The following TTN variants were observed in gnomAD, a reference collection of about 807,000 sequenced individuals.
TTN encodes connectin.
Under a neutral mutation model 3,223.0 loss-of-function variants are expected in TTN, and 1,525 were observed. The observed-to-expected ratio is 0.47, with a 90% confidence interval of 0.45 to 0.49. The LOEUF is 0.49. Among genes scored for constraint, TTN ranks in the 20% least tolerant of loss-of-function variants. TTN has a pLI of 0.00. For missense variants in TTN, 40,786 were observed against 43,424.0 expected (o/e 0.94, Z 5.40); for synonymous variants, 14,094 against 15,161.0 (o/e 0.93, Z 5.17).
intron 125 of TTN, 39 bp from the exon 126 acceptor site, chr2:178,688,817 A>T: frequency 6.7e-7 from 1 of 1,492,190 alleles, no homozygotes; most frequent in Non-Finnish European, 9.3e-7. Flanking sequence ...AAAATCAAGA[A>T]TTTTAACAAT....
intron 275 of TTN, 44 bp from the exon 276 acceptor site, chr2:178,608,125 T>C (rs746047441): frequency 4.4e-6 from 7 of 1,605,226 alleles, no homozygotes; most frequent in Middle Eastern, 1.7e-4. Context: ...CTGATGGTTT[T>C]AAAATGTACA....
In TTN at chr2:178,635,550, C is replaced by G; in HGVS notation, c.41774G>C (p.Arg13925Thr). 1 of 1,595,224 alleles carries G rather than the reference C, an allele frequency of 6.3e-7. No homozygotes were observed. ...TTTGAGGTACAGATGATTTCCATCT[C>G]TCAGTATTTCAGTCTTATCATTTGG... ...AEPNDKTEIL[R>T]DGNHLYLKIK... The change falls in exon 227 of 363, where the codon AGA (arginine) becomes ACA (threonine). Residue 13925 changes from arginine (R) to threonine (T), a missense_variant. By Grantham distance (71) the Arg-to-Thr change is moderately conservative (BLOSUM62 -1). Transcript: ENST00000589042.
In TTN at chr2:178,663,620, C is replaced by G. The variant is rs776475838; in HGVS notation, c.36532+7G>C. 6 of 1,613,590 alleles carry G rather than the reference C, an allele frequency of 3.7e-6. No homozygotes were observed. The East Asian group carries it at 8.9e-5, about 24-fold the overall frequency. ...ATCATCTGAAGCCTAAAATCAGTGA[C>G]AAATACCTTTAACAGGTGGGACTTC... On this transcript the variant is annotated splice_region_variant and intron_variant, in intron 171 of 362. Transcript: ENST00000589042.
In TTN at chr2:178,635,174, C is replaced by A; in HGVS notation, c.42015G>T (p.Arg14005Ser). The A allele has an allele frequency of 6.2e-7, 1 of 1,612,866 alleles. No individual in the cohort carries two copies. Among genetic ancestry groups the A allele is most frequent in the South Asian group, 1.1e-5 (1 of 90,930 alleles). Residue 14005 changes from arginine to serine, a missense_variant, in exon 228 of 363, where the codon AGG becomes AGT. By Grantham distance (110) the Arg-to-Ser change is moderately radical. Transcript: ENST00000589042. ...ATGTGAAATTACTCACAGGTGAGGGCCTTAGAAGTTCTCCTTTCAGTTTCC... is the reference window on the plus strand; with the variant it reads ...ATGTGAAATTACTCACAGGTGAGGGACTTAGAAGTTCTCCTTTCAGTTTCC... ...GQWKLKGELL[R>S]PSPTCEIKAE...
rs780449281 is a variant in TTN at position 178,578,019 on chromosome 2, T to C, written c.68496A>G (p.Pro22832=). The change falls in exon 322 of 363, where the codon CCA becomes CCG. Residue 22832 remains proline, a synonymous_variant. Transcript: ENST00000589042. ...NLAGVGKPSL[P]SEPVVALDPI... is the part of the protein sequence containing the mutation. ...GGTCCAGTGCCACAACAGGCTCTGA[T>C]GGTAGGCTTGGCTTGCCCACACCTG... 15 of 1,613,118 alleles carry C rather than the reference T, an allele frequency of 9.3e-6. No homozygotes were observed. In the African/African-American group the frequency reaches 1.6e-4, roughly 17 times the overall value.
At chr2:178,673,851 AGTAGGAACCCTAGAGGT>A (rs2067479372) in intron 151 of TTN, 141 bp from the exon 152 acceptor site, 1 of 631,082 alleles carries the variant, frequency 1.6e-6, no homozygotes, top group African/African-American at 1.9e-5. Flanking sequence ...ATAAATGTGG[AGTAGGAACCCTAGAGGT>A]GTAAAGGATA....
chr2:178,560,193 C>T lies in TTN; in HGVS notation c.85939G>A (p.Asp28647Asn), dbSNP rs1378020700. The change falls in exon 326 of 363, where the codon GAT becomes AAT. Residue 28647 changes from aspartate to asparagine, a missense_variant. Coordinates refer to ENST00000589042, the MANE Select transcript of TTN (RefSeq NM_001267550.2). ...GGAGGAGATGGTAGGAACACTGGATCTTCTGCCCTAATTAAGGGAGAGGTT... is the reference window on the plus strand; with the variant it reads ...GGAGGAGATGGTAGGAACACTGGATTTTCTGCCCTAATTAAGGGAGAGGTT... The part of the protein sequence containing the change: ...SETSPLIRAE[D>N]PVFLPSPPSK... 4.3e-6 allele frequency: 7 copies of T among 1,613,656 alleles called. No individual in the cohort carries two copies. Among genetic ancestry groups the T allele is most frequent in the Non-Finnish European group, 5.1e-6 (6 of 1,179,774 alleles).
Position 178,714,159 on chromosome 2 carries a change from T to C in TTN, c.26499A>G (p.Val8833=). The change falls in exon 92 of 363, where the codon GTA becomes GTG. Residue 8833 remains valine, a synonymous_variant. Transcript: ENST00000589042. ...TAACTTTTATGGATTCTGGCTTTTCTACAATTGTTGCAGGCTCTGGAATGA... is the reference window on the plus strand; with the variant it reads ...TAACTTTTATGGATTCTGGCTTTTCCACAATTGTTGCAGGCTCTGGAATGA... The part of the protein sequence containing the change: ...TLSVLEPATI[V]EKPESIKVTT... 6.2e-7 allele frequency: 1 copy of C among 1,610,894 alleles called. No homozygotes were observed. Among genetic ancestry groups the C allele is most frequent in the Non-Finnish European group, 8.5e-7 (1 of 1,178,544 alleles).
chr2:178,791,106 A>G (rs1690407700), intron 10 of TTN, among the ~76,000 whole-genome samples: 1 of 152,226 alleles, frequency 6.6e-6, no homozygotes, highest in South Asian at 2.1e-4. Flanking sequence ...CGTGTTAGGG[A>G]ACCCGGTGGG....
At position 178,620,434 on chromosome 2, in the gene TTN, A is replaced by C; in HGVS notation, c.46087T>G (p.Cys15363Gly). The C allele has an allele frequency of 6.2e-7, 1 of 1,612,350 alleles. No individual in the cohort carries two copies. Among genetic ancestry groups the C allele is most frequent in the African/African-American group, 1.3e-5 (1 of 74,906 alleles). ...TATTCACCTTCATCTGGGAAGCCAC[A>C]GTCTTTAATGGTTAACATGTGCTTG... Reference protein sequence around the residue: ...KYKHMLTIKDCGFPDEGEYIV... With the variant: ...KYKHMLTIKDGGFPDEGEYIV... The change falls in exon 248 of 363, where the codon TGT (cysteine) becomes GGT (glycine). Residue 15363 changes from cysteine (C) to glycine (G), a missense_variant. Transcript: ENST00000589042.
At position 178,527,206 on chromosome 2, in the gene TTN, C is replaced by A. The variant is rs1575170744; in HGVS notation, c.107782G>T (p.Val35928Leu). The A allele has an allele frequency of 1.2e-6, 2 of 1,613,934 alleles. No individual in the cohort carries two copies. The highest frequency in any genetic ancestry group is 8.5e-7 in the Non-Finnish European group (1 of 1,179,862). The change falls in exon 363 of 363, where the codon GTA becomes TTA. Residue 35928 changes from valine (V) to leucine (L), a missense_variant. Transcript: ENST00000589042. ...CAFTGEPTPE[V>L]TWSCGGRKIH... ...TTTCTTCCACCACAGGACCATGTTA[C>A]TTCTGGGGTAGGCTCACCCGTGAAA...
In TTN at chr2:178,774,421, T is replaced by C; in HGVS notation, c.6843A>G (p.Ser2281=). 6.2e-7 allele frequency: 1 copy of C among 1,613,652 alleles called. No individual in the cohort carries two copies. The highest frequency in any genetic ancestry group is 1.7e-5 in the Admixed American group (1 of 59,998). Residue 2281 remains serine (S), a synonymous_variant, in exon 30 of 363, where the codon TCA becomes TCG. Coordinates refer to ENST00000589042, the MANE Select transcript of TTN (RefSeq NM_001267550.2). ...KELQDIEVPE[S]YSGELECIVS... ...CAATGCACTCTAATTCTCCTGAATA[T>C]GATTCTGGAACTTCTATGTCCTGAA...
rs917290755 is a variant in TTN at position 178,614,714 on chromosome 2, C to T, written c.48800G>A (p.Gly16267Asp). ...CTTGGTCCCAGCTTTTACAGTGAGA[C>T]CAGCAAGGAGCTTCACATCGAGGAA... is the stretch of plus-strand genomic sequence containing the variant. Reference protein sequence around the residue: ...EIFLDVKLLAGLTVKAGTKIE... With the variant: ...EIFLDVKLLADLTVKAGTKIE... The change falls in exon 261 of 363, where the codon GGT becomes GAT. Residue 16267 changes from glycine to aspartate, a missense_variant. By Grantham distance (94) the Gly-to-Asp change is moderately conservative. Coordinates refer to ENST00000589042, the MANE Select transcript of TTN (RefSeq NM_001267550.2). 1 of 1,611,252 alleles carries T rather than the reference C, an allele frequency of 6.2e-7. No individual in the cohort carries two copies. The highest frequency in any genetic ancestry group is 8.5e-7 in the Non-Finnish European group (1 of 1,178,734).
intron 111 of TTN, among the ~76,000 whole-genome samples, chr2:178,699,690 C>T (rs2074541071): frequency 7.0e-6 from 1 of 143,296 alleles, no homozygotes. Context: ...GGATTACAGG[C>T]GTGAGCCACC....
chr2:178,607,356 T>A, intron 277 of TTN, 42 bp from the exon 278 acceptor site: 1 of 1,612,560 alleles, frequency 6.2e-7, no homozygotes, highest in Non-Finnish European at 8.5e-7. Context: ...AATAAGATAG[T>A]ATCACTTGGG....
At position 178,582,542 on chromosome 2, in the gene TTN, G is replaced by A. The variant is rs755916258; in HGVS notation, c.65914C>T (p.Arg21972Cys). The A allele has an allele frequency of 1.9e-5, 31 of 1,612,414 alleles. No homozygotes were observed. The highest frequency in any genetic ancestry group is 1.7e-4 in the Middle Eastern group (1 of 6,060). Residue 21972 changes from arginine to cysteine, a missense_variant, in exon 314 of 363, where the codon CGT becomes TGT. Arg to Cys is a radical substitution (Grantham distance 180, BLOSUM62 -3). Transcript: ENST00000589042. ...SVKINKMYSD[R>C]AMLSWEPPLE... ...GGCGGTTCCCAAGAAAGCATAGCACGATCTGAATACATTTTGTTGATTTTA... is the reference window on the plus strand; with the variant it reads ...GGCGGTTCCCAAGAAAGCATAGCACAATCTGAATACATTTTGTTGATTTTA...
rs1485064419 is a variant in TTN, at chr2:178,782,390, T to C, written c.3202A>G (p.Ser1068Gly). Reference protein sequence around the residue: ...ESRDVVMTDTSLTEEQAGPGE... With the variant: ...ESRDVVMTDTGLTEEQAGPGE... ...GGCCCTGCTTGTTCCTCTGTGAGGC[T>C]AGTATCAGTCATAACCACATCTCTT... Residue 1068 changes from serine (S) to glycine (G), a missense_variant, in exon 20 of 363, where the codon AGC (serine) becomes GGC (glycine). Transcript: ENST00000589042. 6.2e-7 allele frequency: 1 copy of C among 1,613,976 alleles called. No individual in the cohort carries two copies.
intron 346 of TTN, 47 bp from the exon 347 acceptor site, chr2:178,543,709 T>C: frequency 6.7e-7 from 1 of 1,485,354 alleles, no homozygotes; most frequent in Non-Finnish European, 9.0e-7. Context: ...GCCTGATAGC[T>C]TTTTTTTTCT....
chr2:178,680,051 T>A lies in TTN; in HGVS notation c.33423A>T (p.Pro11141=). 1 of 1,612,552 alleles carries A rather than the reference T, an allele frequency of 6.2e-7. No individual in the cohort carries two copies. The highest frequency in any genetic ancestry group is 8.5e-7 in the Non-Finnish European group (1 of 1,179,282). Residue 11141 remains proline (P), a synonymous_variant, in exon 140 of 363, where the codon CCA becomes CCT. Transcript: ENST00000589042. ...CTGGTTCAAGTTCTTTAGGCACTTC[T>A]GGCACTTTAAAGATATTATCTTTAA... ...RKEVAPPVRV[P]EVPKELEPEE... is the part of the protein sequence containing the mutation.
Sources: gnomAD v4.1 joint callset for allele counts (sites outside exome capture counted in the v4.1 genomes callset) on GRCh38, gnomAD v4.1.1 for gene constraint, MANE v1.5 for transcripts, NCBI Gene and HGNC (gene_info 2026-07-23, HGNC 2026-07-21) for gene names.